The following AGBL1 variants were observed in gnomAD, a reference collection of about 807,000 sequenced individuals.
The protein encoded by AGBL1 is cytosolic carboxypeptidase 4.
A neutral mutation model predicts 118.9 loss-of-function variants in AGBL1; 130 were observed. The observed-to-expected ratio is 1.09, with a 90% CI of 0.95 to 1.26. The LOEUF is 1.26. AGBL1 is among the 50% of genes most tolerant of loss of function. The pLI is 0.00. For synonymous variants in AGBL1, 555 were observed against 478.9 expected, an observed-to-expected ratio of 1.16 and a Z score of -2.08; for missense variants, 1,584 against 1,298.1, an observed-to-expected ratio of 1.22 and a Z score of -3.38.
At chr15:86,868,498 G>C (rs768712543) in intron 22 of AGBL1, among the ~76,000 whole-genome samples, 9 of 152,222 alleles carry the variant, frequency 5.9e-5, no homozygotes, top group Non-Finnish European at 8.8e-5. Context: ...TTCCCCACAA[G>C]GGTGTTGCAC....
intron 22 of AGBL1, among the ~76,000 whole-genome samples, chr15:86,764,738 G>A (rs1214728542): frequency 6.6e-6 from 1 of 151,976 alleles, no homozygotes; most frequent in Non-Finnish European, 1.5e-5. Flanking sequence ...AAGTTATTAG[G>A]AAACAACATG....
chr15:86,427,980 C>T (rs1368937295), intron 18 of AGBL1, among the ~76,000 whole-genome samples: 13 of 152,164 alleles, frequency 8.5e-5, no homozygotes, highest in African/African-American at 3.1e-4. Context: ...TGGGATAGAT[C>T]TTAAATACGT....
intron 17 of AGBL1, among the ~76,000 whole-genome samples, chr15:86,362,858 T>C (rs779905815): frequency 9.2e-5 from 14 of 152,196 alleles, no homozygotes; most frequent in Non-Finnish European, 8.8e-5. Context: ...GTTCCCTGGG[T>C]GGGCAGGACT....
chr15:86,308,437 G>T (rs2079873033), intron 17 of AGBL1, among the ~76,000 whole-genome samples: 1 of 152,178 alleles, frequency 6.6e-6, no homozygotes, highest in African/African-American at 2.4e-5. Context: ...GCCCTCTTCA[G>T]AACCTGACCT....
intron 22 of AGBL1, among the ~76,000 whole-genome samples, chr15:86,731,373 G>C (rs929111923): frequency 2.6e-5 from 4 of 152,134 alleles, no homozygotes; most frequent in Non-Finnish European, 5.9e-5. Context: ...CCTAAGACTA[G>C]AGATTCTCCA....
At chr15:86,217,715 C>G (rs937772708) in intron 5 of AGBL1, among the ~76,000 whole-genome samples, 2 of 152,160 alleles carry the variant, frequency 1.3e-5, no homozygotes, top group East Asian at 3.9e-4. Context: ...TGGGTACATG[C>G]TCTAGGTCTT....
At chr15:86,575,833 G>A (rs1172609435) in intron 21 of AGBL1, among the ~76,000 whole-genome samples, 1 of 152,114 alleles carries the variant, frequency 6.6e-6, no homozygotes, top group Non-Finnish European at 1.5e-5. Context: ...TTCAGCTCAA[G>A]CAGTCCTCCC....
chr15:86,789,154 C>G (rs1399611904), intron 22 of AGBL1, among the ~76,000 whole-genome samples: 1 of 152,220 alleles, frequency 6.6e-6, no homozygotes, highest in African/African-American at 2.4e-5. Context: ...CAAGCCACTG[C>G]CTGCAATGTT....
chr15:86,556,940 T>C (rs1379547424), intron 21 of AGBL1, among the ~76,000 whole-genome samples: 2 of 152,202 alleles, frequency 1.3e-5, no homozygotes, highest in South Asian at 2.1e-4. Flanking sequence ...TTTGTAAGTA[T>C]TGAAATGAAA....
chr15:86,966,592 T>C (rs1021121913), intron 23 of AGBL1, among the ~76,000 whole-genome samples: 1 of 152,122 alleles, frequency 6.6e-6, no homozygotes, highest in Non-Finnish European at 1.5e-5. Context: ...TTTTTGTCCT[T>C]GTGACAGTTT....
chr15:86,847,440 T>C (rs2079335560), intron 22 of AGBL1, among the ~76,000 whole-genome samples: 1 of 152,244 alleles, frequency 6.6e-6, no homozygotes, highest in Non-Finnish European at 1.5e-5. Flanking sequence ...TGTTTTGTTT[T>C]TTGGTAACTT....
intron 17 of AGBL1, among the ~76,000 whole-genome samples, chr15:86,364,956 CACAT>C (rs1555472672): frequency 0.053 from 4,773 of 89,464 alleles, 281 homozygotes; most frequent in Non-Finnish European, 0.068. Flanking sequence ...TTATATGTCA[CACAT>C]ATATATATAT....
intron 17 of AGBL1, among the ~76,000 whole-genome samples, chr15:86,324,222 A>C (rs2080148704): frequency 6.6e-6 from 1 of 152,212 alleles, no homozygotes; most frequent in Non-Finnish European, 1.5e-5. Flanking sequence ...AACAAATAGA[A>C]TGTGTAAGTG....
intron 5 of AGBL1, among the ~76,000 whole-genome samples, chr15:86,193,805 T>C (rs557715746): frequency 6.6e-6 from 1 of 152,324 alleles, no homozygotes; most frequent in South Asian, 2.1e-4. Context: ...AATTTTGGAA[T>C]ATTTTCTACG....
At chr15:86,664,150 G>A (rs1298589735) in intron 21 of AGBL1, among the ~76,000 whole-genome samples, 1 of 152,144 alleles carries the variant, frequency 6.6e-6, no homozygotes, top group Non-Finnish European at 1.5e-5. Flanking sequence ...GTCAGTAATG[G>A]ATTAGGAAAC....
At chr15:86,530,025 C>T (rs1338483001) in intron 19 of AGBL1, among the ~76,000 whole-genome samples, 3 of 131,718 alleles carry the variant, frequency 2.3e-5, no homozygotes, top group Admixed American at 7.2e-5. Context: ...TAAAGACCAT[C>T]GAGACTAGGA....
chr15:86,475,261 C>T (rs769030438), intron 18 of AGBL1, among the ~76,000 whole-genome samples: 14 of 151,642 alleles, frequency 9.2e-5, no homozygotes, highest in South Asian at 4.1e-4. Flanking sequence ...AGGCTTCAGA[C>T]GATTAAACTT....
chr15:86,440,449 C>T (rs2082048897), intron 18 of AGBL1, among the ~76,000 whole-genome samples: 3 of 150,882 alleles, frequency 2.0e-5, no homozygotes, highest in African/African-American at 7.3e-5. Context: ...GCTAAATTGA[C>T]ATGTGTGATT....
chr15:86,495,604 G>A (rs1190964146), intron 18 of AGBL1, among the ~76,000 whole-genome samples: 4 of 151,830 alleles, frequency 2.6e-5, no homozygotes, highest in Non-Finnish European at 5.9e-5. Flanking sequence ...TTGGAACGCT[G>A]TTCTTATAAC....
Sources: gnomAD v4.1 joint callset for allele counts (sites outside exome capture counted in the v4.1 genomes callset) on GRCh38, gnomAD v4.1.1 for gene constraint, MANE v1.5 for transcripts, NCBI Gene and HGNC (gene_info 2026-07-23, HGNC 2026-07-21) for gene names.